The following CLSTN2 variants were observed in gnomAD, a reference collection of about 807,000 sequenced individuals.
CLSTN2 encodes the protein calsyntenin 2.
A neutral mutation model predicts 101.2 loss-of-function variants in CLSTN2; 48 were observed. That is an observed-to-expected ratio of 0.47 (90% CI 0.38 to 0.60). CLSTN2 has a LOEUF of 0.60. Ranked by LOEUF, CLSTN2 falls within the 20% of genes least tolerant of loss-of-function variation. The probability of loss-of-function intolerance (pLI) is 0.00; values close to 1 mark genes in which losing one functional copy is unlikely to be tolerated. For synonymous variants in CLSTN2, 481 were observed against 463.6 expected (o/e 1.04, Z -0.48); for missense variants, 1,160 against 1,238.2 (o/e 0.94, Z 0.95).
chr3:140,288,964 T>C (rs2086924176), intron 2 of CLSTN2, among the ~76,000 whole-genome samples: 1 of 152,100 alleles, frequency 6.6e-6, no homozygotes, highest in Non-Finnish European at 1.5e-5. Flanking sequence ...CGTGCCCTTT[T>C]CCTCTTCACC....
chr3:140,147,016 T>C (rs1199833791), intron 1 of CLSTN2, among the ~76,000 whole-genome samples: 2 of 152,204 alleles, frequency 1.3e-5, no homozygotes, highest in East Asian at 3.8e-4. Flanking sequence ...TGTCAATCTG[T>C]TGAACAAATT....
At chr3:140,103,887 C>A (rs543967096) in intron 1 of CLSTN2, among the ~76,000 whole-genome samples, 1 of 152,268 alleles carries the variant, frequency 6.6e-6, no homozygotes, top group South Asian at 2.1e-4. Flanking sequence ...GGTTGTGCAA[C>A]AATACAGAAT....
intron 8 of CLSTN2, chr3:140,507,996 C>G (rs1934717829): frequency 6.6e-6 from 1 of 152,210 alleles, no homozygotes; most frequent in African/African-American, 2.4e-5. Flanking sequence ...CAACTCACTT[C>G]AAAGCCACTA....
chr3:139,998,382 A>G (rs2006735267), intron 1 of CLSTN2, among the ~76,000 whole-genome samples: 1 of 59,496 alleles, frequency 1.7e-5, no homozygotes, highest in Non-Finnish European at 3.5e-5. Context: ...TTTGTCGCCC[A>G]GGCTGGAGTG....
chr3:140,177,228 TC>T (rs1465486265), intron 2 of CLSTN2, among the ~76,000 whole-genome samples: 2 of 152,180 alleles, frequency 1.3e-5, no homozygotes, highest in Non-Finnish European at 1.5e-5. Context: ...TTGAGGCATT[TC>T]CATACATTTC....
chr3:140,552,282 T>C (rs1275523389), intron 10 of CLSTN2, among the ~76,000 whole-genome samples: 1 of 151,980 alleles, frequency 6.6e-6, no homozygotes, highest in Non-Finnish European at 1.5e-5. Context: ...GAGTGAGCAA[T>C]GCCACCCTTT....
At chr3:140,438,860 G>A (rs1485469463) in intron 5 of CLSTN2, among the ~76,000 whole-genome samples, 1 of 152,196 alleles carries the variant, frequency 6.6e-6, no homozygotes, top group Non-Finnish European at 1.5e-5. Context: ...TTTCTGTTTG[G>A]GAGCTGAGAA....
intron 9 of CLSTN2, among the ~76,000 whole-genome samples, chr3:140,540,689 T>C (rs74546839): frequency 0.031 from 4,760 of 152,258 alleles, 98 homozygotes; most frequent in Non-Finnish European, 0.048. Context: ...TAAATAGCCA[T>C]GGGAATGACA....
chr3:140,233,840 TG>T (rs2086392641), intron 2 of CLSTN2, among the ~76,000 whole-genome samples: 1 of 152,222 alleles, frequency 6.6e-6, no homozygotes, highest in Non-Finnish European at 1.5e-5. Context: ...TGCTCTAGAA[TG>T]GGGTGCTGCA....
At chr3:140,024,390 G>C (rs1406200088) in intron 1 of CLSTN2, among the ~76,000 whole-genome samples, 7 of 152,304 alleles carry the variant, frequency 4.6e-5, no homozygotes, top group Admixed American at 2.6e-4. Context: ...GGGAGCCCTG[G>C]ACTGAGTCAC....
In CLSTN2 at chr3:140,404,702, G is replaced by A; in HGVS notation, c.573G>A (p.Gln191=). The change falls in exon 4 of 17, where the codon CAG becomes CAA. Residue 191 remains glutamine (Q), a synonymous_variant. Coordinates refer to ENST00000458420, the MANE Select transcript of CLSTN2 (RefSeq NM_022131.3). ...VEAIDEDCSP[Q]YSQICNYEIV... is the part of the protein sequence containing the mutation. ...CCATTGACGAGGACTGCTCCCCACA[G>A]TACAGCCAGATCTGCAACTATGAAA... 5 of 1,614,218 alleles carry A rather than the reference G, an allele frequency of 3.1e-6. No homozygotes were observed. The highest frequency in any genetic ancestry group is 4.2e-6 in the Non-Finnish European group (5 of 1,180,040).
intron 2 of CLSTN2, among the ~76,000 whole-genome samples, chr3:140,249,060 C>T (rs1034752512): frequency 2.0e-5 from 3 of 152,062 alleles, no homozygotes; most frequent in Non-Finnish European, 4.4e-5. Context: ...TTTTTGCTCC[C>T]AGTCACAGTT....
chr3:140,089,008 AC>A (rs1446020788), intron 1 of CLSTN2, among the ~76,000 whole-genome samples: 2 of 147,504 alleles, frequency 1.4e-5, no homozygotes. Flanking sequence ...ATCAACTGAG[AC>A]AAAAAAAAGC....
chr3:140,389,943 T>G (rs933712606), intron 2 of CLSTN2, among the ~76,000 whole-genome samples: 2 of 152,212 alleles, frequency 1.3e-5, no homozygotes, highest in African/African-American at 4.8e-5. Flanking sequence ...AGGGTAATGC[T>G]AGCCTCTTAA....
chr3:140,429,268 G>A (rs1044553042), intron 5 of CLSTN2, among the ~76,000 whole-genome samples: 1 of 152,122 alleles, frequency 6.6e-6, no homozygotes, highest in South Asian at 2.1e-4. Context: ...GGGGATACGG[G>A]TAGGATCTAC....
At chr3:140,494,755 C>T (rs1934426810) in intron 8 of CLSTN2, among the ~76,000 whole-genome samples, 1 of 152,128 alleles carries the variant, frequency 6.6e-6, no homozygotes, top group Non-Finnish European at 1.5e-5. Context: ...AGGATAATGG[C>T]TTTTAGCTCC....
chr3:140,055,070 T>C (rs2008074221), intron 1 of CLSTN2, among the ~76,000 whole-genome samples: 1 of 152,234 alleles, frequency 6.6e-6, no homozygotes, highest in Non-Finnish European at 1.5e-5. Flanking sequence ...GTTTTATTAA[T>C]GTTGGATTTT....
chr3:140,209,516 T>A (rs1442701117), intron 2 of CLSTN2, among the ~76,000 whole-genome samples: 2 of 152,170 alleles, frequency 1.3e-5, no homozygotes, highest in Non-Finnish European at 2.9e-5. Flanking sequence ...CTTTGGTGCT[T>A]TGGGGAGTGA....
At chr3:140,197,257 A>G (rs2010657117) in intron 2 of CLSTN2, among the ~76,000 whole-genome samples, 1 of 152,194 alleles carries the variant, frequency 6.6e-6, no homozygotes, top group East Asian at 1.9e-4. Context: ...CTTGCTGGAT[A>G]TCAACAGCCT....
Sources: gnomAD v4.1 joint callset for allele counts (sites outside exome capture counted in the v4.1 genomes callset) on GRCh38, gnomAD v4.1.1 for gene constraint, MANE v1.5 for transcripts, NCBI Gene and HGNC (gene_info 2026-07-23, HGNC 2026-07-21) for gene names.